Variants in NEBL observed in about 807,000 individuals in gnomAD.
NEBL encodes nebulette, also known as LIM and SH3 protein 2.
Under a neutral mutation model 140.2 loss-of-function variants are expected in NEBL, and 122 were observed. That is an observed-to-expected ratio of 0.87 (90% confidence interval 0.75 to 1.01). NEBL has a LOEUF of 1.01. Among genes scored for constraint, NEBL ranks in the 50% least tolerant of loss-of-function variants. The probability of loss-of-function intolerance (pLI) is 0.00; values close to 1 mark genes in which losing one functional copy is unlikely to be tolerated. For missense variants in NEBL, 1,365 were observed against 1,231.3 expected, an observed-to-expected ratio of 1.11 and a Z score of -1.62; for synonymous variants, 436 against 398.9, an observed-to-expected ratio of 1.09 and a Z score of -1.11.
chr10:21,193,942 T>C (rs1239181632), intron 3 of NEBL, among the ~76,000 whole-genome samples: 1 of 152,232 alleles, frequency 6.6e-6, no homozygotes, highest in Non-Finnish European at 1.5e-5. Context: ...CATTGAAGAA[T>C]GTAGCTTCCC....
At chr10:20,970,258 CTCA>C (rs575632983) in intron 3 of NEBL, among the ~76,000 whole-genome samples, 77 of 152,320 alleles carry the variant, frequency 5.1e-4, no homozygotes, top group Middle Eastern at 3.4e-3. Flanking sequence ...GACTCACTCA[CTCA>C]TCATAACTCA....
intron 3 of NEBL, among the ~76,000 whole-genome samples, chr10:21,234,753 A>G (rs757403550): frequency 6.6e-6 from 1 of 152,170 alleles, no homozygotes; most frequent in Non-Finnish European, 1.5e-5. Context: ...ATGTCTGCAG[A>G]GAAGCCAGCT....
intron 2 of NEBL, among the ~76,000 whole-genome samples, chr10:21,158,858 AT>A (rs1272445211): frequency 6.6e-6 from 1 of 152,104 alleles, no homozygotes; most frequent in Non-Finnish European, 1.5e-5. Flanking sequence ...GCTAAATAGG[AT>A]TTTTTTCTGT....
Position 20,880,783 on chromosome 10 carries a change from C to T in NEBL, c.480+11G>A, listed in dbSNP as rs769167750. On this transcript the variant is annotated intron_variant, in intron 5 of 27. Transcript: ENST00000377122. ...GTTCGCTAGAAAATCATGAGAAATG[C>T]GCTTCCTTACATTACTCTGGTGTTT... 169 of 1,580,744 alleles carry T rather than the reference C, an allele frequency of 1.1e-4. No homozygotes were observed. The highest frequency in any genetic ancestry group is 8.2e-4 in the Admixed American group (49 of 59,944).
chr10:21,186,424 G>A (rs996004854), intron 3 of NEBL, among the ~76,000 whole-genome samples: 3 of 151,936 alleles, frequency 2.0e-5, no homozygotes, highest in Admixed American at 2.0e-4. Context: ...AGTTGCCTTT[G>A]GTATCCACGA....
chr10:20,961,441 T>C lies in NEBL; in HGVS notation c.357+231A>G, dbSNP rs534173524. ...GGAAAAATTTGAAAGCTGAGAACCATTCAAAATGGAATAAGGAGATCTTCT... is the reference window on the plus strand; with the variant it reads ...GGAAAAATTTGAAAGCTGAGAACCACTCAAAATGGAATAAGGAGATCTTCT... On this transcript the variant is annotated intron_variant, in intron 4 of 6. Transcript: ENST00000417816. Among the ~76,000 whole-genome samples the C allele has an allele frequency of 2.0e-5, 3 of 152,194 alleles. 1 individual carries two copies. The South Asian group carries it at 6.2e-4, about 32-fold the overall frequency.
intron 3 of NEBL, among the ~76,000 whole-genome samples, chr10:21,233,596 G>A (rs1842294749): frequency 7.0e-6 from 1 of 143,542 alleles, no homozygotes; most frequent in Admixed American, 7.1e-5. Context: ...ACATATTTAT[G>A]TATCTATATA....
intron 3 of NEBL, among the ~76,000 whole-genome samples, chr10:21,188,205 T>C (rs556679413): frequency 8.7e-4 from 133 of 152,306 alleles, no homozygotes; most frequent in African/African-American, 3.1e-3. Context: ...ATTTGCTGAT[T>C]TAAAATTATT....
chr10:21,039,642 AAAACTTTGAT>A (rs1834178524), intron 2 of NEBL, among the ~76,000 whole-genome samples: 1 of 152,200 alleles, frequency 6.6e-6, no homozygotes. Flanking sequence ...TGGTGTTTTT[AAAACTTTGAT>A]TGGAGCCCAC....
At chr10:20,786,048 G>T in intron 27 of NEBL, 125 bp from the exon 28 acceptor site, 1 of 913,886 alleles carries the variant, frequency 1.1e-6, no homozygotes. Context: ...ATGTATCTCT[G>T]GAAATCTGTA....
chr10:20,822,595 G>A (rs1839441054), intron 19 of NEBL, among the ~76,000 whole-genome samples: 1 of 150,306 alleles, frequency 6.7e-6, no homozygotes, highest in Admixed American at 6.7e-5. Flanking sequence ...ATCTAATATA[G>A]ACTATATATA....
chr10:20,862,469 CA>C (rs957362403), intron 7 of NEBL, among the ~76,000 whole-genome samples: 87 of 152,138 alleles, frequency 5.7e-4, no homozygotes, highest in African/African-American at 2.1e-3. Context: ...CTAAGATCAC[CA>C]AATGGTTGCA....
intron 4 of NEBL, among the ~76,000 whole-genome samples, chr10:20,955,911 C>CAA (rs11388003): frequency 4.3e-4 from 60 of 140,466 alleles, no homozygotes; most frequent in Middle Eastern, 3.7e-3. Flanking sequence ...TCTCTTGTTT[C>CAA]AAAAAAAAAA....
chr10:20,938,180 G>T (rs891066422), intron 4 of NEBL, among the ~76,000 whole-genome samples: 3 of 152,224 alleles, frequency 2.0e-5, no homozygotes, highest in Admixed American at 2.0e-4. Flanking sequence ...CTAGCTGGGA[G>T]GCACCCCCCA....
At chr10:21,233,766 T>C (rs1181267706) in intron 3 of NEBL, among the ~76,000 whole-genome samples, 1 of 140,914 alleles carries the variant, frequency 7.1e-6, no homozygotes, top group East Asian at 2.0e-4. Flanking sequence ...AGATATATAT[T>C]ACATATAAAT....
At chr10:21,198,272 A>T (rs1412607882) in intron 3 of NEBL, among the ~76,000 whole-genome samples, 1 of 152,086 alleles carries the variant, frequency 6.6e-6, no homozygotes, top group Non-Finnish European at 1.5e-5. Flanking sequence ...ACCCCATTTC[A>T]TTAACTGGGG....
At chr10:21,116,211 T>G (rs1449753367) in intron 2 of NEBL, among the ~76,000 whole-genome samples, 1 of 152,124 alleles carries the variant, frequency 6.6e-6, no homozygotes, top group East Asian at 1.9e-4. Context: ...ATAGACTGGG[T>G]GGCTTAAACA....
At chr10:21,117,350 T>C (rs1484066555) in intron 2 of NEBL, among the ~76,000 whole-genome samples, 1 of 152,126 alleles carries the variant, frequency 6.6e-6, no homozygotes, top group Non-Finnish European at 1.5e-5. Flanking sequence ...ACTCAGCAGA[T>C]CTCCAGAGTC....
intron 4 of NEBL, among the ~76,000 whole-genome samples, chr10:20,921,308 C>T (rs1833566786): frequency 1.3e-5 from 2 of 152,180 alleles, no homozygotes; most frequent in East Asian, 3.9e-4. Flanking sequence ...CTCCATTATT[C>T]CTCCCCTGCC....
Sources: allele counts gnomAD v4.1 joint callset (sites outside exome capture counted in the v4.1 genomes callset), GRCh38; gene constraint gnomAD v4.1.1; transcripts MANE v1.5; gene names NCBI Gene and HGNC (gene_info 2026-07-23, HGNC 2026-07-21).